Variants in DPYD observed in about 807,000 individuals in gnomAD.
DPYD encodes dihydropyrimidine dehydrogenase.
A neutral mutation model predicts 116.2 loss-of-function variants in DPYD; 109 were observed. That is an observed-to-expected ratio of 0.94 (90% CI 0.80 to 1.10). The LOEUF (loss-of-function observed/expected upper bound fraction) is 1.10. Ranked by LOEUF, DPYD falls within the 50% of genes least tolerant of loss-of-function variation. The pLI, the probability that DPYD is intolerant of heterozygous loss-of-function variation, is 0.00. For synonymous variants in DPYD, 440 were observed against 432.0 expected, an observed-to-expected ratio of 1.02 and a Z score of -0.23; for missense variants, 1,302 against 1,254.5, an observed-to-expected ratio of 1.04 and a Z score of -0.57.
At chr1:97,776,567 T>C (rs1339531413) in intron 3 of DPYD, among the ~76,000 whole-genome samples, 1 of 152,292 alleles carries the variant, frequency 6.6e-6, no homozygotes, top group Non-Finnish European at 1.5e-5. Flanking sequence ...ACGTTCTCTC[T>C]AGTTTTTCTA....
intron 16 of DPYD, among the ~76,000 whole-genome samples, chr1:97,338,371 G>C (rs1051265862): frequency 6.6e-6 from 1 of 152,260 alleles, no homozygotes; most frequent in Non-Finnish European, 1.5e-5. Flanking sequence ...CTGGAGAAGA[G>C]AGCAAGTGTG....
chr1:97,434,489 C>T (rs567396827), intron 14 of DPYD, among the ~76,000 whole-genome samples: 1 of 152,084 alleles, frequency 6.6e-6, no homozygotes, highest in Admixed American at 6.5e-5. Context: ...CAGGCTAATA[C>T]CAGGGATGCA....
intron 5 of DPYD, among the ~76,000 whole-genome samples, chr1:97,713,163 G>A (rs1291445777): frequency 6.6e-6 from 1 of 151,816 alleles, no homozygotes; most frequent in Non-Finnish European, 1.5e-5. Context: ...GATTCATGTT[G>A]ATACAATAAT....
intron 18 of DPYD, among the ~76,000 whole-genome samples, chr1:97,278,420 A>G (rs942971943): frequency 1.4e-4 from 21 of 152,232 alleles, no homozygotes; most frequent in Non-Finnish European, 2.9e-5. Flanking sequence ...CAGAAAGTAA[A>G]TGGACAGGGA....
In DPYD at chr1:97,608,030, A is replaced by T. The variant is rs187376762; in HGVS notation, c.851-12864T>A. Among the ~76,000 whole-genome samples, 186 of 152,088 alleles carry T rather than the reference A, an allele frequency of 1.2e-3. 1 individual carries two copies. Among genetic ancestry groups the T allele is most frequent in the African/African-American group, 4.4e-3 (184 of 41,536 alleles). ...TATTAGAATCTATTTAAATGAGCCA[A>T]CTCAGAAGAAGAAAGGGGAAAACTC... On this transcript the variant is annotated intron_variant, in intron 8 of 22. Coordinates refer to ENST00000370192, the MANE Select transcript of DPYD (RefSeq NM_000110.4).
rs559427764 is a variant in DPYD, at chr1:97,098,594, C to T, written c.2661G>A (p.Lys887=). ...PSFGPYLEQR[K]KIIAENKIRL... is the part of the protein sequence containing the mutation. ...TAATCTTGTTTTCTGCTATGATTTTCTTGCGCTGTTCCAGATAAGGTCCAA... is the reference window on the plus strand; with the variant it reads ...TAATCTTGTTTTCTGCTATGATTTTTTTGCGCTGTTCCAGATAAGGTCCAA... The change falls in exon 21 of 23, where the codon AAG becomes AAA. Residue 887 remains lysine (K), a synonymous_variant. Coordinates refer to ENST00000370192, the MANE Select transcript of DPYD (RefSeq NM_000110.4). The T allele has an allele frequency of 1.2e-6, 2 of 1,612,906 alleles. No individual in the cohort carries two copies. The highest frequency in any genetic ancestry group is 1.7e-6 in the Non-Finnish European group (2 of 1,179,440).
intron 8 of DPYD, among the ~76,000 whole-genome samples, chr1:97,639,179 C>A (rs1657740110): frequency 6.6e-6 from 1 of 151,990 alleles, no homozygotes; most frequent in South Asian, 2.1e-4. Context: ...TTTAAATAAT[C>A]TTGGTGTCTC....
intron 5 of DPYD, among the ~76,000 whole-genome samples, chr1:97,704,374 C>G (rs554748414): frequency 1.1e-4 from 16 of 151,630 alleles, no homozygotes; most frequent in African/African-American, 2.9e-4. Context: ...ATTAAAATAA[C>G]TAATATTGTA....
intron 8 of DPYD, among the ~76,000 whole-genome samples, chr1:97,620,281 T>C (rs745988317): frequency 3.3e-5 from 5 of 152,186 alleles, no homozygotes; most frequent in African/African-American, 7.2e-5. Context: ...GGCATGATCG[T>C]AGCACACACT....
intron 8 of DPYD, among the ~76,000 whole-genome samples, chr1:97,655,731 C>T (rs901233600): frequency 6.6e-6 from 1 of 152,126 alleles, no homozygotes; most frequent in Admixed American, 6.6e-5. Context: ...GCCTCCACCC[C>T]GCCCCAACCA....
chr1:97,680,940 T>C (rs1305458261), intron 7 of DPYD, among the ~76,000 whole-genome samples: 2 of 152,078 alleles, frequency 1.3e-5, no homozygotes, highest in African/African-American at 4.8e-5. Context: ...GCCTGGTAGG[T>C]TTCTTTGTGT....
chr1:97,273,393 A>T (rs992809269), intron 18 of DPYD, among the ~76,000 whole-genome samples: 2 of 152,174 alleles, frequency 1.3e-5, no homozygotes, highest in Admixed American at 1.3e-4. Flanking sequence ...GGCACAGACT[A>T]GCTCTTCATC....
intron 16 of DPYD, among the ~76,000 whole-genome samples, chr1:97,346,186 T>C (rs1298660145): frequency 2.6e-5 from 4 of 151,886 alleles, no homozygotes; most frequent in Non-Finnish European, 5.9e-5. Context: ...GAGATTTATT[T>C]ATGTTTTCCA....
chr1:97,233,435 G>A (rs1022690043), intron 19 of DPYD, among the ~76,000 whole-genome samples: 4 of 152,142 alleles, frequency 2.6e-5, no homozygotes, highest in African/African-American at 9.7e-5. Flanking sequence ...GGATGGGGGT[G>A]AGGGCTCATT....
chr1:97,238,964 G>A (rs547495503), intron 18 of DPYD, among the ~76,000 whole-genome samples: 13 of 152,282 alleles, frequency 8.5e-5, no homozygotes, highest in East Asian at 3.9e-4. Context: ...GAGTTCCCAC[G>A]TTTTGAAACA....
rs138039317 is a variant in DPYD, at chr1:97,804,826, A to C, written c.233+23288T>G. Among the ~76,000 whole-genome samples the C allele has an allele frequency of 2.3e-3, 346 of 152,028 alleles. 2 individuals are homozygous for C. Among genetic ancestry groups the C allele is most frequent in the African/African-American group, 8.1e-3 (335 of 41,540 alleles). On this transcript the variant is annotated intron_variant, in intron 3 of 22. Transcript: ENST00000370192. ...CTTTTGAGCATTGAACTGAGTTGACAGGACAAAGTTATCCTTAATTATTAT... is the reference window on the plus strand; with the variant it reads ...CTTTTGAGCATTGAACTGAGTTGACCGGACAAAGTTATCCTTAATTATTAT...
intron 20 of DPYD, among the ~76,000 whole-genome samples, chr1:97,189,779 A>G (rs1161815032): frequency 6.6e-6 from 1 of 152,188 alleles, no homozygotes; most frequent in Non-Finnish European, 1.5e-5. Context: ...AAAATGGTAC[A>G]TACACCTAAT....
intron 21 of DPYD, among the ~76,000 whole-genome samples, chr1:97,096,192 T>C (rs189091850): frequency 1.3e-5 from 2 of 152,262 alleles, no homozygotes; most frequent in East Asian, 1.9e-4. Context: ...ATTCTGACTT[T>C]GATTTTTTTT....
intron 14 of DPYD, among the ~76,000 whole-genome samples, chr1:97,386,798 T>A (rs1356918): frequency 0.19 from 29,140 of 151,950 alleles, 2,950 homozygotes; most frequent in South Asian, 0.38. Flanking sequence ...CAAAAAATAA[T>A]TTTACTTTTT....
Sources: allele counts gnomAD v4.1 joint callset (sites outside exome capture counted in the v4.1 genomes callset), GRCh38; gene constraint gnomAD v4.1.1; transcripts MANE v1.5; gene names NCBI Gene and HGNC (gene_info 2026-07-23, HGNC 2026-07-21).